The following CDC14C variants were observed in gnomAD, a reference collection of about 807,000 sequenced individuals.
The protein encoded by CDC14C is cell division cycle 14C, also known as dual specificity protein phosphatase CDC14C.
A neutral mutation model predicts 26.9 loss-of-function variants in CDC14C; 19 were observed. The observed-to-expected ratio is 0.71, with a 90% CI of 0.49 to 1.04. The LOEUF (loss-of-function observed/expected upper bound fraction) is 1.04, where lower values mean the gene tolerates loss of function less well. Among genes scored for constraint, CDC14C ranks in the 50% least tolerant of loss-of-function variants. CDC14C has a pLI of 0.00. For synonymous variants in CDC14C, 185 were observed against 180.1 expected, an observed-to-expected ratio of 1.03 and a Z score of -0.22; for missense variants, 423 against 520.0, an observed-to-expected ratio of 0.81 and a Z score of 1.81.
chr7:48,925,592 C>T lies in CDC14C; in HGVS notation c.920C>T (p.Ala307Val), dbSNP rs773731161. The change falls in exon 1 of 1, where the codon GCA (alanine) becomes GTA (valine). Residue 307 changes from alanine (A) to valine (V), a missense_variant. Around this residue, in one of 3 missense-constraint regions of CDC14C, gnomAD observed 22 missense variants for 69.1 expected, o/e 0.32. Transcript: ENST00000650262. ...ATCATGAAGCATTACAGGATGACAG[C>T]AGCCGAGACCATTGCGTGGGTAAGG... ...CYIMKHYRMT[A>V]AETIAWVRIC... 20 of 1,539,886 alleles carry T rather than the reference C, an allele frequency of 1.3e-5. No homozygotes were observed. The highest frequency in any genetic ancestry group is 1.8e-5 in the Non-Finnish European group (20 of 1,112,428).
chr7:48,926,529 G>GCCCTA lies in CDC14C; in HGVS notation c.*513_*514insCCCTA. ...ATCCCTTATGGGAAACGAAGGGATG[G>GCCCTA]GCCTAATTAAAGGCATAGGTTGGGC... On this transcript the variant is annotated 3_prime_UTR_variant, in exon 1 of 1. Coordinates refer to ENST00000650262, the MANE Select transcript of CDC14C (RefSeq NM_152627.3). 6.6e-6 allele frequency among the ~76,000 whole-genome samples: 1 copy of GCCCTA among 152,028 alleles called. No individual in the cohort carries two copies. Among genetic ancestry groups the GCCCTA allele is most frequent in the East Asian group, 1.9e-4 (1 of 5,154 alleles).
At position 48,924,920 on chromosome 7, in the gene CDC14C, T is replaced by C. The variant is rs746741702; in HGVS notation, c.248T>C (p.Met83Thr). ...KINKKLKSITMLRKKIVHFTG... is the reference protein window; with the variant it reads ...KINKKLKSITTLRKKIVHFTG... ...AATAAGAAATTAAAGTCCATTACAA[T>C]GTTAAGGAAGAAAATTGTTCATTTT... is the stretch of plus-strand genomic sequence containing the variant. The change falls in exon 1 of 1, where the codon ATG (methionine) becomes ACG (threonine). Residue 83 changes from methionine (M) to threonine (T), a missense_variant. Met to Thr is a moderately conservative substitution (Grantham distance 81, BLOSUM62 -1). This residue lies in a region of CDC14C where 310 missense variants were observed against 356.8 expected (regional missense o/e 0.87). Transcript: ENST00000650262. 7.0e-7 allele frequency: 1 copy of C among 1,437,002 alleles called. No homozygotes were observed. Among genetic ancestry groups the C allele is most frequent in the South Asian group, 1.1e-5 (1 of 87,434 alleles). 89.0% of individuals were successfully genotyped at this position (1,437,002 alleles called of 1,614,324 possible).
In CDC14C at chr7:48,925,185, C is replaced by T. The variant is rs187763001; in HGVS notation, c.513C>T (p.Asn171=). The change falls in exon 1 of 1, where the codon AAC becomes AAT. Residue 171 remains asparagine (N), a synonymous_variant. Coordinates refer to ENST00000650262, the MANE Select transcript of CDC14C (RefSeq NM_152627.3). ...QYGFLNFNSF[N]LDEYEHYEKA... ...GCTTCCTTAATTTCAACTCATTTAA[C>T]CTTGATGAATATGAACACTATGAAA... is the stretch of plus-strand genomic sequence containing the variant. The T allele has an allele frequency of 1.2e-3, 1,810 of 1,540,726 alleles. 13 individuals carry two copies. The African/African-American group carries it at 0.022, about 19-fold the overall frequency.
chr7:48,925,241 T>C lies in CDC14C; in HGVS notation c.569T>C (p.Ile190Thr), dbSNP rs758483570. The C allele has an allele frequency of 1.2e-6, 2 of 1,607,248 alleles. No homozygotes were observed. The highest frequency in any genetic ancestry group is 2.2e-5 in the East Asian group (1 of 44,854). The change falls in exon 1 of 1, where the codon ATA (isoleucine) becomes ACA (threonine). Residue 190 changes from isoleucine to threonine, a missense_variant. Ile to Thr is a moderately conservative substitution (Grantham distance 89). This residue lies in a region of CDC14C where 310 missense variants were observed against 356.8 expected (regional missense o/e 0.87). Coordinates refer to ENST00000650262, the MANE Select transcript of CDC14C (RefSeq NM_152627.3). ...GAAAACGGAGATTTAAATTGGATAATACCAGACCGATTTATTGCCTTCTGT... is the reference window on the plus strand; with the variant it reads ...GAAAACGGAGATTTAAATTGGATAACACCAGACCGATTTATTGCCTTCTGT... The part of the protein sequence containing the change: ...KAENGDLNWI[I>T]PDRFIAFCGP...
In CDC14C at chr7:48,925,231, A is replaced by T; in HGVS notation, c.559A>T (p.Asn187Tyr). The change falls in exon 1 of 1, where the codon AAT becomes TAT. Residue 187 changes from asparagine to tyrosine, a missense_variant. Coordinates refer to ENST00000650262, the MANE Select transcript of CDC14C (RefSeq NM_152627.3). ...TGAAAAAGCAGAAAACGGAGATTTAAATTGGATAATACCAGACCGATTTAT... is the reference window on the plus strand; with the variant it reads ...TGAAAAAGCAGAAAACGGAGATTTATATTGGATAATACCAGACCGATTTAT... Reference protein sequence around the residue: ...HYEKAENGDLNWIIPDRFIAF... With the variant: ...HYEKAENGDLYWIIPDRFIAF... 1 of 1,606,478 alleles carries T rather than the reference A, an allele frequency of 6.2e-7. No homozygotes were observed. Among genetic ancestry groups the T allele is most frequent in the Non-Finnish European group, 8.5e-7 (1 of 1,172,988 alleles).
At position 48,924,656 on chromosome 7, in the gene CDC14C, C is replaced by T. The variant is rs13312558; in HGVS notation, c.-17C>T. 8.6e-5 allele frequency: 95 copies of T among 1,104,576 alleles called. No homozygotes were observed. Among genetic ancestry groups the T allele is most frequent in the Admixed American group, 1.7e-4 (10 of 58,942 alleles). The allele number at this position is 1,104,576 out of a possible 1,614,324, so 68.4% of individuals were successfully genotyped here. ...TGCTCGCCGCGCTGCTCTTTGACCTCGCAGGGTGTGAAGAAGATGCGCAGC... is the reference window on the plus strand; with the variant it reads ...TGCTCGCCGCGCTGCTCTTTGACCTTGCAGGGTGTGAAGAAGATGCGCAGC... On this transcript the variant is annotated 5_prime_UTR_variant, in exon 1 of 1. Coordinates refer to ENST00000650262, the MANE Select transcript of CDC14C (RefSeq NM_152627.3).
In CDC14C at chr7:48,924,553, G is replaced by C. The variant is rs186576277; in HGVS notation, c.-120G>C. 1.7e-5 allele frequency: 11 copies of C among 655,292 alleles called. No homozygotes were observed. Among genetic ancestry groups the C allele is most frequent in the Admixed American group, 6.0e-5 (2 of 33,078 alleles). 40.6% of individuals were successfully genotyped at this position (655,292 alleles called of 1,614,324 possible). On this transcript the variant is annotated 5_prime_UTR_variant, in exon 1 of 1. Coordinates refer to ENST00000650262, the MANE Select transcript of CDC14C (RefSeq NM_152627.3). ...TGGCGGCGCGCGCGGGGCCGTGGTC[G>C]TTGCTCCCTGACTGGCCGCGGCGGC...
rs1168409390 is a variant in CDC14C, at chr7:48,925,907, C to T, written c.1235C>T (p.Thr412Ile). The T allele has an allele frequency of 2.5e-6, 2 of 796,538 alleles. No homozygotes were observed. The highest frequency in any genetic ancestry group is 3.4e-5 in the African/African-American group (2 of 59,382). 49.3% of individuals were successfully genotyped at this position (796,538 alleles called of 1,614,324 possible). ...CTGAAAAGGCGAAGACAATCAAAAA[C>T]AAACGATATTCTTCTCCCATCTCCC... ...RALKRRRQSK[T>I]NDILLPSPLA... Residue 412 changes from threonine to isoleucine, a missense_variant, in exon 1 of 1, where the codon ACA becomes ATA. Physicochemically the swap from Thr to Ile is moderately conservative, Grantham distance 89. Transcript: ENST00000650262.
At position 48,925,237 on chromosome 7, in the gene CDC14C, A is replaced by C. The variant is rs421206; in HGVS notation, c.565A>C (p.Ile189Leu). Residue 189 changes from isoleucine to leucine, a missense_variant, in exon 1 of 1, where the codon ATA (isoleucine) becomes CTA (leucine). Coordinates refer to ENST00000650262, the MANE Select transcript of CDC14C (RefSeq NM_152627.3). ...EKAENGDLNWIIPDRFIAFCG... is the reference protein window; with the variant it reads ...EKAENGDLNWLIPDRFIAFCG... ...AGCAGAAAACGGAGATTTAAATTGG[A>C]TAATACCAGACCGATTTATTGCCTT... The C allele has an allele frequency of 8.7e-5, 140 of 1,605,196 alleles. No individual in the cohort carries two copies. Among genetic ancestry groups the C allele is most frequent in the African/African-American group, 5.2e-4 (39 of 74,860 alleles).
chr7:48,924,881 A>G lies in CDC14C; in HGVS notation c.209A>G (p.Tyr70Cys). ...CTCAATCTGGCAATGGTTTACAGAT[A>G]TTGTTGCAAGATAAATAAGAAATTA... The part of the protein sequence containing the change: ...GPLNLAMVYR[Y>C]CCKINKKLKS... The change falls in exon 1 of 1, where the codon TAT becomes TGT. Residue 70 changes from tyrosine (Y) to cysteine (C), a missense_variant. By Grantham distance (194) the Tyr-to-Cys change is radical (BLOSUM62 -2). Around this residue, in one of 3 missense-constraint regions of CDC14C, gnomAD observed 310 missense variants for 356.8 expected, o/e 0.87. Transcript: ENST00000650262. 4 of 1,458,904 alleles carry G rather than the reference A, an allele frequency of 2.7e-6. No homozygotes were observed. Among genetic ancestry groups the G allele is most frequent in the African/African-American group, 1.4e-5 (1 of 72,040 alleles). The allele number at this position is 1,458,904 out of a possible 1,614,324, so 90.4% of individuals were successfully genotyped here. A position where few individuals can be genotyped will look rare whatever the true frequency, so the allele number is the denominator to read the frequency against.
In CDC14C at chr7:48,925,617, G is replaced by A. The variant is rs749732982; in HGVS notation, c.945G>A (p.Arg315=). 2 of 1,548,670 alleles carry A rather than the reference G, an allele frequency of 1.3e-6. No homozygotes were observed. The highest frequency in any genetic ancestry group is 1.8e-6 in the Non-Finnish European group (2 of 1,120,246). ...MTAAETIAWV[R]ICRPGLVIGP... is the part of the protein sequence containing the mutation. ...CAGCCGAGACCATTGCGTGGGTAAGGATCTGCAGACCTGGCTTGGTGATCG... is the reference window on the plus strand; with the variant it reads ...CAGCCGAGACCATTGCGTGGGTAAGAATCTGCAGACCTGGCTTGGTGATCG... The change falls in exon 1 of 1, where the codon AGG becomes AGA. Residue 315 remains arginine, a synonymous_variant. Transcript: ENST00000650262.
rs11767646 is a variant in CDC14C, at chr7:48,924,726, G to T, written c.54G>T (p.Val18=). 692,224 of 1,363,616 alleles carry T rather than the reference G, an allele frequency of 0.51. 178,092 individuals carry two copies. Among genetic ancestry groups the T allele is most frequent in the East Asian group, 0.71 (30,799 of 43,650 alleles). 84.5% of individuals were successfully genotyped at this position (1,363,616 alleles called of 1,614,324 possible). ...GCCGCCGGGACCCCCAGGACGACGT[G>T]TACGTGGACATCACCGATCGCCTTC... is the stretch of plus-strand genomic sequence containing the variant. ...DPRRRDPQDD[V]YVDITDRLRF... The change falls in exon 1 of 1, where the codon GTG becomes GTT. Residue 18 remains valine (V), a synonymous_variant. Transcript: ENST00000650262.
In CDC14C at chr7:48,925,934, T is replaced by A. The variant is rs753015642; in HGVS notation, c.1262T>A (p.Leu421Gln). 7 of 764,584 alleles carry A rather than the reference T, an allele frequency of 9.2e-6. No homozygotes were observed. In the Admixed American group the frequency reaches 1.1e-4, roughly 12 times the overall value. The allele number at this position is 764,584 out of a possible 1,614,324, so 47.4% of individuals were successfully genotyped here. A position where few individuals can be genotyped will look rare whatever the true frequency, so the allele number is the denominator to read the frequency against. The change falls in exon 1 of 1, where the codon CTG becomes CAG. Residue 421 changes from leucine (L) to glutamine (Q), a missense_variant. Physicochemically the swap from Leu to Gln is moderately radical, Grantham distance 113. This residue lies in a region of CDC14C where 91 missense variants were observed against 94.2 expected (regional missense o/e 0.97). Coordinates refer to ENST00000650262, the MANE Select transcript of CDC14C (RefSeq NM_152627.3). ...KTNDILLPSP[L>Q]AVLTFTLCSV... ...AACGATATTCTTCTCCCATCTCCCC[T>A]GGCTGTGCTGACCTTTACACTGTGT...
chr7:48,924,575 C>A lies in CDC14C; in HGVS notation c.-98C>A, dbSNP rs1012676641. On this transcript the variant is annotated 5_prime_UTR_variant, in exon 1 of 1. Coordinates refer to ENST00000650262, the MANE Select transcript of CDC14C (RefSeq NM_152627.3). ...GTCGTTGCTCCCTGACTGGCCGCGG[C>A]GGCCTCCAGGAAGCGGAAAAGCAAG... is the stretch of plus-strand genomic sequence containing the variant. 6.6e-6 allele frequency: 5 copies of A among 756,678 alleles called. No individual in the cohort carries two copies. The highest frequency in any genetic ancestry group is 1.1e-5 in the Non-Finnish European group (5 of 473,970). The allele number at this position is 756,678 out of a possible 1,614,324, so 46.9% of individuals were successfully genotyped here. A position where few individuals can be genotyped will look rare whatever the true frequency, so the allele number is the denominator to read the frequency against.
rs556502301 is a variant in CDC14C at position 48,926,844 on chromosome 7, C to T, written c.*828C>T. ...CTCAAAGAAAGGCCCAGCTCTCAAG[C>T]TGAATGACAAAAATGCTGTTGTAAA... On this transcript the variant is annotated 3_prime_UTR_variant, in exon 1 of 1. Transcript: ENST00000650262. Among the ~76,000 whole-genome samples the T allele has an allele frequency of 3.5e-4, 54 of 152,114 alleles. No homozygotes were observed. Among genetic ancestry groups the T allele is most frequent in the Non-Finnish European group, 1.5e-4 (10 of 67,994 alleles).
rs1798863024 is a variant in CDC14C at position 48,925,115 on chromosome 7, C to T, written c.443C>T (p.Thr148Ile). ...TATGGAAGCTGCAATTTCTACATTA[C>T]ACTTCTTGACTGTTTTCATGCAGTA... ...AAYGSCNFYI[T>I]LLDCFHAVKK... Residue 148 changes from threonine (T) to isoleucine (I), a missense_variant, in exon 1 of 1, where the codon ACA becomes ATA. Physicochemically the swap from Thr to Ile is moderately conservative, Grantham distance 89 (BLOSUM62 -1). Transcript: ENST00000650262. 1.9e-6 allele frequency: 3 copies of T among 1,538,656 alleles called. No homozygotes were observed. Among genetic ancestry groups the T allele is most frequent in the South Asian group, 2.2e-5 (2 of 89,466 alleles).
rs917833211 is a variant in CDC14C, at chr7:48,927,094, T to C, written c.*1078T>C. Among the ~76,000 whole-genome samples the C allele has an allele frequency of 6.6e-6, 1 of 152,244 alleles. No individual in the cohort carries two copies. Among genetic ancestry groups the C allele is most frequent in the Non-Finnish European group, 1.5e-5 (1 of 68,054 alleles). ...ATTACTGAAATGGTACTTTCTGTAA[T>C]TTGATACTATTTGGCTTTACCATCT... On this transcript the variant is annotated 3_prime_UTR_variant, in exon 1 of 1. Transcript: ENST00000650262.
Position 48,927,199 on chromosome 7 carries a change from T to G in CDC14C, c.*1183T>G, listed in dbSNP as rs2062411433. ...TGCTTGTCTTCTACCAAAGAGTGCT[T>G]TATTAACAAGAATCTGTGAAAACCA... On this transcript the variant is annotated 3_prime_UTR_variant, in exon 1 of 1. Coordinates refer to ENST00000650262, the MANE Select transcript of CDC14C (RefSeq NM_152627.3). 7.1e-6 allele frequency among the ~76,000 whole-genome samples: 1 copy of G among 141,062 alleles called. No individual in the cohort carries two copies. The highest frequency in any genetic ancestry group is 2.4e-4 in the South Asian group (1 of 4,094). 92.5% of individuals were successfully genotyped at this position (141,062 alleles called of 152,430 possible). A position where few individuals can be genotyped will look rare whatever the true frequency, so the allele number is the denominator to read the frequency against.
In CDC14C at chr7:48,924,848, T is replaced by C. The variant is rs1562668053; in HGVS notation, c.176T>C (p.Phe59Ser). Reference protein sequence around the residue: ...ELEYENFSEDFGPLNLAMVYR... With the variant: ...ELEYENFSEDSGPLNLAMVYR... ...GAATATGAGAACTTCTCCGAAGACT[T>C]TGGACCACTCAATCTGGCAATGGTT... The change falls in exon 1 of 1, where the codon TTT becomes TCT. Residue 59 changes from phenylalanine to serine, a missense_variant. Phe to Ser is a radical substitution (Grantham distance 155). Coordinates refer to ENST00000650262, the MANE Select transcript of CDC14C (RefSeq NM_152627.3). 7.1e-7 allele frequency: 1 copy of C among 1,401,190 alleles called. No individual in the cohort carries two copies. The highest frequency in any genetic ancestry group is 1.4e-5 in the African/African-American group (1 of 70,796). 86.8% of individuals were successfully genotyped at this position (1,401,190 alleles called of 1,614,324 possible).
Sources: gnomAD v4.1 joint callset for allele counts (sites outside exome capture counted in the v4.1 genomes callset) on GRCh38, gnomAD v4.1.1 for gene constraint, gnomAD v4.1.1 regional missense constraint, MANE v1.5 for transcripts, NCBI Gene and HGNC (gene_info 2026-07-23, HGNC 2026-07-21) for gene names.